The following DCC variants were observed in gnomAD, a reference collection of about 807,000 sequenced individuals.
DCC encodes DCC netrin 1 receptor, also known as netrin receptor DCC.
DCC carries 58 observed loss-of-function variants against 172.5 expected under a neutral mutation model. The observed-to-expected ratio is 0.34, with a 90% CI of 0.27 to 0.42. The LOEUF is 0.42. Among genes scored for constraint, DCC ranks in the 10% least tolerant of loss-of-function variants. DCC has a pLI of 1.00. For missense variants in DCC, 1,740 were observed against 1,791.0 expected (o/e 0.97, Z 0.51); for synonymous variants, 709 against 644.5 (o/e 1.10, Z -1.52).
At chr18:52,795,903 C>T (rs1200033098) in intron 2 of DCC, among the ~76,000 whole-genome samples, 2 of 151,284 alleles carry the variant, frequency 1.3e-5, no homozygotes, top group Non-Finnish European at 3.0e-5. Flanking sequence ...TTTCAATATT[C>T]TTTCTATTAA....
intron 9 of DCC, among the ~76,000 whole-genome samples, chr18:53,187,239 C>A (rs2055296503): frequency 1.3e-5 from 2 of 151,714 alleles, no homozygotes; most frequent in Non-Finnish European, 2.9e-5. Context: ...TCTCCTGCCT[C>A]AACGTCCCAA....
intron 1 of DCC, among the ~76,000 whole-genome samples, chr18:52,642,256 G>A (rs1252766691): frequency 6.6e-6 from 1 of 151,920 alleles, no homozygotes; most frequent in Non-Finnish European, 1.5e-5. Flanking sequence ...TCACTCATAT[G>A]TGCGAGCTAG....
At chr18:53,064,286 A>T (rs2042537442) in intron 6 of DCC, among the ~76,000 whole-genome samples, 1 of 152,112 alleles carries the variant, frequency 6.6e-6, no homozygotes, top group Non-Finnish European at 1.5e-5. Context: ...AATCTCACTT[A>T]TAGGTATAGG....
At chr18:53,129,416 A>G (rs532041992) in intron 7 of DCC, among the ~76,000 whole-genome samples, 1 of 152,150 alleles carries the variant, frequency 6.6e-6, no homozygotes, top group African/African-American at 2.4e-5. Flanking sequence ...ATATCATCCA[A>G]AATAAGACAT....
chr18:53,269,900 A>G (rs1222726356), intron 12 of DCC, among the ~76,000 whole-genome samples: 2 of 152,170 alleles, frequency 1.3e-5, no homozygotes, highest in African/African-American at 4.8e-5. Flanking sequence ...GGGCTGGAGA[A>G]TGGATGGCAA....
At chr18:52,708,677 A>G (rs1390613226) in intron 1 of DCC, among the ~76,000 whole-genome samples, 2 of 152,144 alleles carry the variant, frequency 1.3e-5, no homozygotes, top group African/African-American at 4.8e-5. Flanking sequence ...CTCTCACCAC[A>G]AGGCCATGCT....
intron 1 of DCC, among the ~76,000 whole-genome samples, chr18:52,424,823 C>T (rs1038055770): frequency 6.6e-5 from 10 of 152,234 alleles, no homozygotes; most frequent in African/African-American, 7.2e-5. Context: ...CTTCCTTCTA[C>T]GTATCAAACC....
In DCC at chr18:52,752,353, A is replaced by G; in HGVS notation, c.391A>G (p.Thr131Ala). The change falls in exon 2 of 29, where the codon ACA (threonine) becomes GCA (alanine). Residue 131 changes from threonine (T) to alanine (A), a missense_variant. Thr to Ala is a moderately conservative substitution (Grantham distance 58, BLOSUM62 0). Coordinates refer to ENST00000442544, the MANE Select transcript of DCC (RefSeq NM_005215.4). ...LGDSGSIISR[T>A]AKVAVAGPLR... ...AGATTCTGGCTCAATTATTAGTCGG[A>G]CAGCAAAAGTTGCAGTAGCAGGTAG... The G allele has an allele frequency of 6.2e-7, 1 of 1,614,168 alleles. No individual in the cohort carries two copies. The highest frequency in any genetic ancestry group is 1.1e-5 in the South Asian group (1 of 91,084).
intron 2 of DCC, among the ~76,000 whole-genome samples, chr18:52,819,307 A>AG (rs1354964373): frequency 1.3e-5 from 2 of 152,326 alleles, no homozygotes; most frequent in South Asian, 4.1e-4. Context: ...CCGAGCTTGC[A>AG]GGGAAAAAAA....
At chr18:52,572,402 C>G (rs2033320343) in intron 1 of DCC, among the ~76,000 whole-genome samples, 1 of 152,104 alleles carries the variant, frequency 6.6e-6, no homozygotes, top group Non-Finnish European at 1.5e-5. Flanking sequence ...ATCGAGATTT[C>G]AAGGCAGCTT....
intron 1 of DCC, among the ~76,000 whole-genome samples, chr18:52,705,559 A>G (rs2036193629): frequency 6.6e-6 from 1 of 152,160 alleles, no homozygotes; most frequent in Admixed American, 6.6e-5. Flanking sequence ...CAAGTAAGTA[A>G]TTGGTCTGAA....
chr18:52,793,286 A>C (rs933516034), intron 2 of DCC, among the ~76,000 whole-genome samples: 8 of 152,164 alleles, frequency 5.3e-5, no homozygotes, highest in Non-Finnish European at 1.0e-4. Context: ...TGGAGCCACC[A>C]CCTTGAACAT....
chr18:52,959,189 G>A (rs963032024), intron 5 of DCC, among the ~76,000 whole-genome samples: 5 of 152,092 alleles, frequency 3.3e-5, no homozygotes, highest in Admixed American at 1.3e-4. Context: ...GAATTGAATC[G>A]TGTGAATGAA....
intron 13 of DCC, among the ~76,000 whole-genome samples, chr18:53,308,837 G>A (rs1472031466): frequency 2.6e-5 from 4 of 151,444 alleles, no homozygotes; most frequent in Admixed American, 2.0e-4. Context: ...TCATAGTTCA[G>A]GAGGCCAGAA....
intron 1 of DCC, among the ~76,000 whole-genome samples, chr18:52,451,555 G>A (rs1598829330): frequency 6.6e-6 from 1 of 152,176 alleles, no homozygotes; most frequent in Admixed American, 6.5e-5. Context: ...GGTTTATTGT[G>A]CTCTGTTCAA....
intron 1 of DCC, among the ~76,000 whole-genome samples, chr18:52,432,476 C>G (rs557447489): frequency 5.3e-5 from 8 of 152,228 alleles, no homozygotes; most frequent in Non-Finnish European, 1.0e-4. Context: ...CCTAAGCACC[C>G]TCTGTTGCTC....
intron 1 of DCC, among the ~76,000 whole-genome samples, chr18:52,587,094 AC>A (rs1429944342): frequency 6.6e-5 from 10 of 152,226 alleles, no homozygotes; most frequent in Middle Eastern, 3.4e-3. Flanking sequence ...GTGAGGACAA[AC>A]CTCTGCCCTT....
intron 9 of DCC, among the ~76,000 whole-genome samples, chr18:53,186,947 G>C (rs1044951415): frequency 1.3e-5 from 2 of 152,070 alleles, no homozygotes; most frequent in African/African-American, 4.8e-5. Context: ...GGAGCTAGCT[G>C]TTCCCTCTAG....
intron 5 of DCC, among the ~76,000 whole-genome samples, chr18:53,026,931 C>G (rs1197541866): frequency 6.6e-6 from 1 of 152,078 alleles, no homozygotes; most frequent in African/African-American, 2.4e-5. Flanking sequence ...TTTCCAATTT[C>G]TGTCTAATGA....
Sources: allele counts gnomAD v4.1 joint callset (sites outside exome capture counted in the v4.1 genomes callset), GRCh38; gene constraint gnomAD v4.1.1; transcripts MANE v1.5; gene names NCBI Gene and HGNC (gene_info 2026-07-23, HGNC 2026-07-21).